Variants in MACC1 observed in about 807,000 individuals in gnomAD.
MACC1 encodes MET transcriptional regulator MACC1.
MACC1 carries 79 observed loss-of-function variants against 70.7 expected under a neutral mutation model. The observed-to-expected ratio is 1.12, with a 90% CI of 0.93 to 1.35. The LOEUF (loss-of-function observed/expected upper bound fraction) is 1.35, where lower values mean the gene tolerates loss of function less well. Among genes scored for constraint, MACC1 ranks in the 40% most tolerant of loss-of-function variants. The pLI, the probability that MACC1 is intolerant of heterozygous loss-of-function variation, is 0.00. For missense variants in MACC1, 1,106 were observed against 978.1 expected, an observed-to-expected ratio of 1.13 and a Z score of -1.74; for synonymous variants, 361 against 347.2, an observed-to-expected ratio of 1.04 and a Z score of -0.44.
At chr7:20,197,336 T>G (rs975960366) in intron 1 of MACC1, among the ~76,000 whole-genome samples, 6 of 152,226 alleles carry the variant, frequency 3.9e-5, no homozygotes, top group Admixed American at 6.5e-5. Flanking sequence ...CAACTGCTGC[T>G]GTGTTTGCCT....
chr7:20,211,498 T>C (rs982133813), intron 1 of MACC1, among the ~76,000 whole-genome samples: 5 of 152,286 alleles, frequency 3.3e-5, no homozygotes, highest in African/African-American at 9.6e-5. Flanking sequence ...TGATTTCAGA[T>C]CAAATTTTGC....
At chr7:20,147,785 A>C (rs1250889866) in intron 6 of MACC1, among the ~76,000 whole-genome samples, 1 of 152,180 alleles carries the variant, frequency 6.6e-6, no homozygotes, top group Non-Finnish European at 1.5e-5. Context: ...GTTAAGCATG[A>C]GCCAGAGGAA....
rs147069364 is a variant in MACC1 at position 20,174,531 on chromosome 7, T to C, written c.-217-3753A>G. Among the ~76,000 whole-genome samples the C allele has an allele frequency of 3.2e-4, 48 of 152,292 alleles. 3 individuals carry two copies. The highest frequency in any genetic ancestry group is 1.1e-3 in the African/African-American group (44 of 41,572). ...AAAAGATTTTATATGGTATAATGCC[T>C]TGTGTGGGTATACAAACATATACAG... is the stretch of plus-strand genomic sequence containing the variant. On this transcript the variant is annotated intron_variant, in intron 1 of 6. Coordinates refer to ENST00000400331, the MANE Select transcript of MACC1 (RefSeq NM_182762.4).
At chr7:20,168,864 A>C (rs1303451129) in intron 2 of MACC1, among the ~76,000 whole-genome samples, 1 of 152,220 alleles carries the variant, frequency 6.6e-6, no homozygotes, top group East Asian at 1.9e-4. Flanking sequence ...CCTAAGATCC[A>C]GAGCAGCTTT....
intron 1 of MACC1, among the ~76,000 whole-genome samples, chr7:20,178,017 CTTCT>C (rs1281916453): frequency 1.3e-5 from 2 of 151,854 alleles, no homozygotes; most frequent in East Asian, 3.8e-4. Context: ...TTATTTCCTC[CTTCT>C]ATTAGATGAA....
At chr7:20,152,329 G>A (rs1368527014) in intron 6 of MACC1, among the ~76,000 whole-genome samples, 2 of 151,984 alleles carry the variant, frequency 1.3e-5, no homozygotes, top group African/African-American at 2.4e-5. Context: ...CCCCTACCCA[G>A]AACTAATATC....
rs781376207 is a variant in MACC1, at chr7:20,141,077, G to T, written c.2428C>A (p.Leu810Ile). The T allele has an allele frequency of 5.0e-6, 8 of 1,613,644 alleles. No homozygotes were observed. The Admixed American group carries it at 1.3e-4, about 27-fold the overall frequency. ...TTCATTCTGTCCAAAGCTGACTGAA[G>T]GTCTTGTAACACATCTCTGTAGTTA... ...GNNYRDVLQD[L>I]QSALDRMKNP... Residue 810 changes from leucine (L) to isoleucine (I), a missense_variant, in exon 7 of 7, where the codon CTT becomes ATT. Leu to Ile is a conservative substitution (Grantham distance 5). Coordinates refer to ENST00000400331, the MANE Select transcript of MACC1 (RefSeq NM_182762.4).
intron 1 of MACC1, among the ~76,000 whole-genome samples, chr7:20,202,743 C>T (rs1010352967): frequency 3.3e-5 from 5 of 152,146 alleles, no homozygotes; most frequent in African/African-American, 7.2e-5. Context: ...CACTTGAAAT[C>T]GAGCTAGTTT....
chr7:20,152,706 A>G, intron 6 of MACC1, among the ~76,000 whole-genome samples: 1 of 152,184 alleles, frequency 6.6e-6, no homozygotes, highest in Non-Finnish European at 1.5e-5. Context: ...AAATAATGGA[A>G]AAGTGGGTGG....
rs761772284 is a variant in MACC1 at position 20,159,206 on chromosome 7, A to G, written c.1155T>C (p.Thr385=). Residue 385 remains threonine (T), a synonymous_variant, in exon 5 of 7, where the codon ACT becomes ACC. Transcript: ENST00000400331. ...YGPKYIHPSF[T]VVLTVCGHNY... Reference sequence around the variant, plus strand: ...TGTGTCCACAAACTGTTAAAACAACAGTAAAACTGGGATGGATATATTTGG... The same window carrying G: ...TGTGTCCACAAACTGTTAAAACAACGGTAAAACTGGGATGGATATATTTGG... 1 of 1,614,018 alleles carries G rather than the reference A, an allele frequency of 6.2e-7. No homozygotes were observed. Among genetic ancestry groups the G allele is most frequent in the Admixed American group, 1.7e-5 (1 of 59,962 alleles).
In MACC1 at chr7:20,217,345, T is replaced by C. The variant is rs1783087480; in HGVS notation, c.-264A>G. ...CTTCTTCAGTTCAGACACATGGTTTTAGTGAATAGAAGTCACTCTACCAAA... is the reference window on the plus strand; with the variant it reads ...CTTCTTCAGTTCAGACACATGGTTTCAGTGAATAGAAGTCACTCTACCAAA... On this transcript the variant is annotated 5_prime_UTR_variant, in exon 1 of 7. Transcript: ENST00000400331. 2 of 152,242 alleles carry C rather than the reference T, an allele frequency of 1.3e-5. No homozygotes were observed. Among genetic ancestry groups the C allele is most frequent in the South Asian group, 4.1e-4 (2 of 4,834 alleles). 9.4% of individuals were successfully genotyped at this position (152,242 alleles called of 1,614,324 possible). A position where few individuals can be genotyped will look rare whatever the true frequency, so the allele number is the denominator to read the frequency against.
chr7:20,204,963 A>T (rs1782889873), intron 1 of MACC1, among the ~76,000 whole-genome samples: 1 of 152,218 alleles, frequency 6.6e-6, no homozygotes, highest in Non-Finnish European at 1.5e-5. Flanking sequence ...TAGTTTAAGG[A>T]TCTATAATTA....
rs1408225336 is a variant in MACC1, at chr7:20,138,178, A to G, written c.*2768T>C. 1.4e-5 allele frequency: 2 copies of G among 146,718 alleles called. No homozygotes were observed. Among genetic ancestry groups the G allele is most frequent in the African/African-American group, 5.1e-5 (2 of 39,392 alleles). 9.1% of individuals were successfully genotyped at this position (146,718 alleles called of 1,614,324 possible). Reference sequence around the variant, plus strand: ...AAAAAAAAAAAAAAAAAAAAAAAAAAAAAATTTCCCCTGGAAGGATTTGTT... The same window carrying G: ...AAAAAAAAAAAAAAAAAAAAAAAAAGAAAATTTCCCCTGGAAGGATTTGTT... On this transcript the variant is annotated 3_prime_UTR_variant, in exon 7 of 7. Transcript: ENST00000400331.
chr7:20,171,964 C>A (rs1406451690), intron 1 of MACC1, among the ~76,000 whole-genome samples: 1 of 151,998 alleles, frequency 6.6e-6, no homozygotes, highest in African/African-American at 2.4e-5. Flanking sequence ...GAAAGGAAAC[C>A]AACTGAGGAG....
chr7:20,158,411 G>A lies in MACC1; in HGVS notation c.1950C>T (p.Tyr650=). 1 of 1,613,822 alleles carries A rather than the reference G, an allele frequency of 6.2e-7. No individual in the cohort carries two copies. Among genetic ancestry groups the A allele is most frequent in the Non-Finnish European group, 8.5e-7 (1 of 1,179,926 alleles). Residue 650 remains tyrosine (Y), a synonymous_variant, in exon 5 of 7, where the codon TAC becomes TAT. Coordinates refer to ENST00000400331, the MANE Select transcript of MACC1 (RefSeq NM_182762.4). Reference sequence around the variant, plus strand: ...CTGACACCAAGGTTAATACAACTGAGTAGATATAAGTCAATTTTTTTAAAG... The same window carrying A: ...CTGACACCAAGGTTAATACAACTGAATAGATATAAGTCAATTTTTTTAAAG... The part of the protein sequence containing the change: ...VLPLKKLTYI[Y]SVVLTLVSEK...
At chr7:20,215,501 G>T (rs556050856) in intron 1 of MACC1, among the ~76,000 whole-genome samples, 13 of 152,160 alleles carry the variant, frequency 8.5e-5, no homozygotes, top group Non-Finnish European at 1.6e-4. Context: ...TCCACCTTTG[G>T]AGAATTACAA....
chr7:20,156,441 T>C (rs567681780), intron 5 of MACC1, among the ~76,000 whole-genome samples: 1 of 152,350 alleles, frequency 6.6e-6, no homozygotes, highest in South Asian at 2.1e-4. Flanking sequence ...CAGACCATCA[T>C]TAATGACCTT....
Position 20,158,748 on chromosome 7 carries a change from A to T in MACC1, c.1613T>A (p.Val538Asp). ...KSAPLSPKILVKYPTFQDKTL... is the reference protein window; with the variant it reads ...KSAPLSPKILDKYPTFQDKTL... ...TTTATCTTGAAATGTAGGATATTTA[A>T]CAAGAATTTTTGGTGATAAAGGAGC... The change falls in exon 5 of 7, where the codon GTT becomes GAT. Residue 538 changes from valine to aspartate, a missense_variant. Coordinates refer to ENST00000400331, the MANE Select transcript of MACC1 (RefSeq NM_182762.4). The T allele has an allele frequency of 6.2e-7, 1 of 1,613,998 alleles. No individual in the cohort carries two copies. The highest frequency in any genetic ancestry group is 8.5e-7 in the Non-Finnish European group (1 of 1,180,002).
chr7:20,195,753 T>A (rs1782741918), intron 1 of MACC1, among the ~76,000 whole-genome samples: 1 of 152,206 alleles, frequency 6.6e-6, no homozygotes, highest in Non-Finnish European at 1.5e-5. Context: ...GTGTTGTCAT[T>A]ATTTTAATAC....
Sources: gnomAD v4.1 joint callset for allele counts (sites outside exome capture counted in the v4.1 genomes callset) on GRCh38, gnomAD v4.1.1 for gene constraint, MANE v1.5 for transcripts, NCBI Gene and HGNC (gene_info 2026-07-23, HGNC 2026-07-21) for gene names.